Variants in CERS4 observed in about 807,000 individuals in gnomAD.
CERS4 encodes LAG1 homolog, ceramide synthase 4.
Under a neutral mutation model 51.8 loss-of-function variants are expected in CERS4, and 65 were observed. The ratio of observed to expected loss-of-function variants is 1.26; its 90% confidence interval spans 1.03 to 1.54. CERS4 has a LOEUF of 1.54. Among genes scored for constraint, CERS4 ranks in the 40% most tolerant of loss-of-function variants. The probability of loss-of-function intolerance (pLI) is 0.00; values close to 1 mark genes in which losing one functional copy is unlikely to be tolerated. For synonymous variants in CERS4, 228 were observed against 208.4 expected, an observed-to-expected ratio of 1.09 and a Z score of -0.81; for missense variants, 563 against 500.4, an observed-to-expected ratio of 1.13 and a Z score of -1.19.
intron 2 of CERS4, among the ~76,000 whole-genome samples, chr19:8,228,685 A>AT (rs879492507): frequency 3.5e-5 from 5 of 144,448 alleles, no homozygotes; most frequent in Middle Eastern, 3.8e-3. Context: ...CAAAAAAAAA[A>AT]TTTTTTTTTT....
rs572595131 is a variant in CERS4, at chr19:8,213,517, G to A, written c.-2+2655G>A. ...GGACAGGGGTCTTACTATGTTGCCC[G>A]GGCTGGTCTTGAACTCCTGGCCTCA... On this transcript the variant is annotated intron_variant, in intron 2 of 11. Transcript: ENST00000251363. Among the ~76,000 whole-genome samples, 58 of 152,034 alleles carry A rather than the reference G, an allele frequency of 3.8e-4. 1 individual carries two copies. The South Asian group carries it at 0.011, about 30-fold the overall frequency.
At chr19:8,223,088 CT>C (rs1368170858) in intron 2 of CERS4, among the ~76,000 whole-genome samples, 1 of 151,904 alleles carries the variant, frequency 6.6e-6, no homozygotes, top group Non-Finnish European at 1.5e-5. Context: ...AGTCCCAGCA[CT>C]TTGGGAGGTT....
intron 7 of CERS4, 35 bp downstream of exon 7, chr19:8,256,321 T>A: frequency 6.2e-7 from 1 of 1,609,098 alleles, no homozygotes; most frequent in Non-Finnish European, 8.5e-7. Flanking sequence ...GCTTGGAGGG[T>A]GAGGGCGATG....
intron 3 of CERS4, 34 bp downstream of exon 3, chr19:8,251,283 C>G (rs544987194): frequency 2.6e-6 from 4 of 1,542,928 alleles, no homozygotes; most frequent in Non-Finnish European, 3.5e-6. Flanking sequence ...CCATTGCCCC[C>G]GCAGTCGCTC....
At chr19:8,250,687 C>T (rs1969032495) in intron 2 of CERS4, 1 of 303,600 alleles carries the variant, frequency 3.3e-6, no homozygotes, top group Non-Finnish European at 4.9e-6. Context: ...GAACTCCTGG[C>T]CTCGTGATCC....
chr19:8,262,214 G>GC lies in CERS4; in HGVS notation c.*109dup, dbSNP rs1292582256. The stretch of plus-strand genomic sequence containing the variant: ...GGCCACCTTTCTGGAGACAGGGAGG[G>GC]CCCCACCCGGGGTGGGTGGGAAGGC... On this transcript the variant is annotated 3_prime_UTR_variant, in exon 12 of 12. Transcript: ENST00000251363. The GC allele has an allele frequency of 2.4e-6, 3 of 1,265,504 alleles. No homozygotes were observed. The highest frequency in any genetic ancestry group is 3.1e-6 in the Non-Finnish European group (3 of 973,870). The allele number at this position is 1,265,504 out of a possible 1,614,324, so 78.4% of individuals were successfully genotyped here.
intron 2 of CERS4, among the ~76,000 whole-genome samples, chr19:8,213,456 G>A (rs1336617685): frequency 2.0e-5 from 3 of 152,022 alleles, no homozygotes; most frequent in Admixed American, 1.3e-4. Flanking sequence ...GCACCACCAG[G>A]CCTAGCTAAT....
Position 8,255,859 on chromosome 19 carries a change from G to A in CERS4, c.448G>A (p.Gly150Ser), listed in dbSNP as rs756891020. Residue 150 changes from glycine to serine, a missense_variant, in exon 6 of 12, where the codon GGC (glycine) becomes AGC (serine). Transcript: ENST00000251363. ...FLFYLSSFVG[G>S]LSVLYHESWL... ...CTTCTACCTGTCCTCCTTCGTGGGC[G>A]GCCTCTCGGTCCTGTACCACGTGAG... 27 of 1,613,894 alleles carry A rather than the reference G, an allele frequency of 1.7e-5. No homozygotes were observed. Among genetic ancestry groups the A allele is most frequent in the South Asian group, 3.3e-5 (3 of 91,086 alleles).
At chr19:8,221,883 T>TA (rs1967568823) in intron 2 of CERS4, among the ~76,000 whole-genome samples, 1 of 99,326 alleles carries the variant, frequency 1.0e-5, no homozygotes, top group Admixed American at 1.0e-4. Context: ...TTTTTTTTTT[T>TA]TTTTTTTTTT....
chr19:8,224,675 C>G (rs932132738), intron 2 of CERS4, among the ~76,000 whole-genome samples: 2 of 152,118 alleles, frequency 1.3e-5, no homozygotes, highest in African/African-American at 4.8e-5. Context: ...TTCAAAGCTG[C>G]GGGTCTGATT....
Position 8,232,763 on chromosome 19 carries a change from C to CA in CERS4, c.-1-18312dup, listed in dbSNP as rs1599539163. On this transcript the variant is annotated intron_variant, in intron 2 of 11. Transcript: ENST00000251363. ...TGAGACACGGTCTCACCCTGTTGCCCAGGTTAGAGTGCTGGTGGTGTGATC... is the reference window on the plus strand; with the variant it reads ...TGAGACACGGTCTCACCCTGTTGCCCAAGGTTAGAGTGCTGGTGGTGTGATC... Among the ~76,000 whole-genome samples, 3 of 150,716 alleles carry CA rather than the reference C, an allele frequency of 2.0e-5. No homozygotes were observed. The East Asian group carries it at 5.8e-4, about 29-fold the overall frequency.
At chr19:8,215,029 G>A (rs1425819359) in intron 2 of CERS4, among the ~76,000 whole-genome samples, 4 of 139,138 alleles carry the variant, frequency 2.9e-5, no homozygotes, top group African/African-American at 2.7e-5. Flanking sequence ...GGAAGAGGAG[G>A]GGGAGGACGA....
intron 2 of CERS4, among the ~76,000 whole-genome samples, chr19:8,244,827 G>A (rs1453849711): frequency 3.3e-5 from 5 of 151,246 alleles, no homozygotes; most frequent in Admixed American, 1.3e-4. Flanking sequence ...CACCACCCCC[G>A]GCTGCCCCCT....
chr19:8,224,482 C>T (rs906448937), intron 2 of CERS4, among the ~76,000 whole-genome samples: 1 of 151,836 alleles, frequency 6.6e-6, no homozygotes, highest in Non-Finnish European at 1.5e-5. Flanking sequence ...AGGGGAGTGT[C>T]CCCTAACCCA....
At chr19:8,230,969 A>T (rs918277899) in intron 2 of CERS4, among the ~76,000 whole-genome samples, 3 of 152,066 alleles carry the variant, frequency 2.0e-5, no homozygotes, top group African/African-American at 7.2e-5. Flanking sequence ...CCCCCCAAGT[A>T]GCTGGGACTA....
At chr19:8,248,907 G>A (rs1291502236) in intron 2 of CERS4, among the ~76,000 whole-genome samples, 2 of 151,238 alleles carry the variant, frequency 1.3e-5, no homozygotes, top group African/African-American at 2.4e-5. Flanking sequence ...GTGGACATAT[G>A]GATGATGGGT....
chr19:8,248,404 AGGAT>A (rs1353561198), intron 2 of CERS4, among the ~76,000 whole-genome samples: 5 of 152,316 alleles, frequency 3.3e-5, no homozygotes, highest in Non-Finnish European at 7.3e-5. Context: ...GATGGACAGA[AGGAT>A]GGGTGGGTGG....
intron 3 of CERS4, among the ~76,000 whole-genome samples, chr19:8,253,725 G>A (rs1969215024): frequency 6.6e-6 from 1 of 151,838 alleles, no homozygotes; most frequent in Non-Finnish European, 1.5e-5. Flanking sequence ...CGAGTAGCTG[G>A]GATTACAGGT....
At chr19:8,238,466 G>A (rs1968371502) in intron 2 of CERS4, 1 of 979,578 alleles carries the variant, frequency 1.0e-6, no homozygotes, top group Non-Finnish European at 1.2e-6. Context: ...GAGGCTTGGG[G>A]CTGGTCTTGG....
Sources: gnomAD v4.1 joint callset for allele counts (sites outside exome capture counted in the v4.1 genomes callset) on GRCh38, gnomAD v4.1.1 for gene constraint, MANE v1.5 for transcripts, NCBI Gene and HGNC (gene_info 2026-07-23, HGNC 2026-07-21) for gene names.